AUTS2: variants seen among roughly 807,000 people sequenced by gnomAD.
The protein encoded by AUTS2 is activator of transcription and developmental regulator AUTS2, also known as autism susceptibility gene 2 protein.
In AUTS2, 17 loss-of-function variants were observed where a neutral mutation model predicts 112.4. The ratio of observed to expected loss-of-function variants is 0.15; its 90% CI spans 0.10 to 0.23. AUTS2 has a LOEUF of 0.23. Ranked by LOEUF, AUTS2 falls within the 10% of genes least tolerant of loss-of-function variation. AUTS2 has a pLI of 1.00. For synonymous variants in AUTS2, 751 were observed against 702.7 expected, an observed-to-expected ratio of 1.07 and a Z score of -1.09; for missense variants, 1,510 against 1,701.6, an observed-to-expected ratio of 0.89 and a Z score of 1.98.
intron 1 of AUTS2, among the ~76,000 whole-genome samples, chr7:69,681,299 C>A (rs529873180): frequency 2.6e-5 from 4 of 152,258 alleles, no homozygotes; most frequent in African/African-American, 9.6e-5. Flanking sequence ...GATCATATGG[C>A]AGTTTTATTT....
chr7:69,881,315 G>A (rs535004694), intron 1 of AUTS2, among the ~76,000 whole-genome samples: 1 of 151,662 alleles, frequency 6.6e-6, no homozygotes, highest in African/African-American at 2.4e-5. Context: ...TAAGCCTTGT[G>A]TGGGAAGATT....
intron 5 of AUTS2, among the ~76,000 whole-genome samples, chr7:70,476,790 T>C (rs1000892121): frequency 1.3e-5 from 2 of 152,192 alleles, no homozygotes; most frequent in East Asian, 1.9e-4. Flanking sequence ...CTCAAAAATT[T>C]GTTGTAATAT....
chr7:69,934,427 T>C (rs1201479022), intron 2 of AUTS2, among the ~76,000 whole-genome samples: 1 of 152,168 alleles, frequency 6.6e-6, no homozygotes, highest in Non-Finnish European at 1.5e-5. Flanking sequence ...CAGTGAAGTG[T>C]ATTGGTTTTG....
intron 1 of AUTS2, among the ~76,000 whole-genome samples, chr7:69,632,886 GAT>G (rs1794330349): frequency 6.6e-6 from 1 of 152,022 alleles, no homozygotes; most frequent in Non-Finnish European, 1.5e-5. Flanking sequence ...GTATTTGTAA[GAT>G]ATATAAGATT....
chr7:69,988,709 T>G (rs1468625547), intron 2 of AUTS2, among the ~76,000 whole-genome samples: 1 of 152,168 alleles, frequency 6.6e-6, no homozygotes, highest in Non-Finnish European at 1.5e-5. Context: ...TTTGCAGGAT[T>G]TCAGGGAAAT....
intron 2 of AUTS2, among the ~76,000 whole-genome samples, chr7:70,008,510 G>A (rs1799647519): frequency 6.6e-6 from 1 of 152,114 alleles, no homozygotes; most frequent in Non-Finnish European, 1.5e-5. Flanking sequence ...TCAGTGGCCT[G>A]TGTATGGGTA....
chr7:70,084,970 T>C (rs1417942406), intron 2 of AUTS2, among the ~76,000 whole-genome samples: 1 of 151,828 alleles, frequency 6.6e-6, no homozygotes, highest in Non-Finnish European at 1.5e-5. Context: ...ACTCCTGGGC[T>C]TCAGCCATCA....
intron 1 of AUTS2, among the ~76,000 whole-genome samples, chr7:69,667,420 G>C (rs996982428): frequency 1.4e-5 from 2 of 144,272 alleles, no homozygotes; most frequent in Non-Finnish European, 3.0e-5. Flanking sequence ...GTGAGATGTT[G>C]TCTTGGCTCA....
At chr7:70,337,544 T>G (rs1202000607) in intron 4 of AUTS2, among the ~76,000 whole-genome samples, 1 of 152,142 alleles carries the variant, frequency 6.6e-6, no homozygotes, top group African/African-American at 2.4e-5. Flanking sequence ...CCCTGTAGAG[T>G]GTCTTCTGCA....
chr7:70,705,986 G>A (rs1010755813), intron 6 of AUTS2, among the ~76,000 whole-genome samples: 5 of 152,172 alleles, frequency 3.3e-5, no homozygotes, highest in African/African-American at 1.2e-4. Flanking sequence ...TATGGCTTGG[G>A]GTGAAGGGCC....
chr7:69,983,835 T>G (rs1047189207), intron 2 of AUTS2, among the ~76,000 whole-genome samples: 1 of 152,188 alleles, frequency 6.6e-6, no homozygotes, highest in African/African-American at 2.4e-5. Context: ...ATTTACTATC[T>G]ATACTAAATG....
At chr7:70,787,186 T>C (rs986753760) in intron 17 of AUTS2, 23 bp from the exon 18 acceptor site, 1 of 1,612,358 alleles carries the variant, frequency 6.2e-7, no homozygotes, top group Non-Finnish European at 8.5e-7. Context: ...TAAACCTTTT[T>C]GTTCTCCACT....
rs189506214 is a variant in AUTS2, at chr7:70,612,318, G to C, written c.691-86251G>C. On this transcript the variant is annotated intron_variant, in intron 5 of 18. Transcript: ENST00000342771. ...ATTGGAAGTCATCTCCAGGCTTCTG[G>C]CTTACAGAGAGTCCCTGTAGAGATA... Among the ~76,000 whole-genome samples, 3 of 152,200 alleles carry C rather than the reference G, an allele frequency of 2.0e-5. 1 individual carries two copies. The highest frequency in any genetic ancestry group is 1.5e-5 in the Non-Finnish European group (1 of 68,010).
chr7:69,648,608 C>T (rs1038251409), intron 1 of AUTS2, among the ~76,000 whole-genome samples: 3 of 151,770 alleles, frequency 2.0e-5, no homozygotes, highest in African/African-American at 7.3e-5. Context: ...GTCTTTGGCT[C>T]CTCTTCTTTT....
intron 4 of AUTS2, among the ~76,000 whole-genome samples, chr7:70,393,596 T>C (rs1793959077): frequency 1.3e-5 from 2 of 152,180 alleles, no homozygotes; most frequent in South Asian, 2.1e-4. Flanking sequence ...GATCTGGTCC[T>C]CTGTCCTTGC....
At chr7:70,188,006 C>T (rs186892511) in intron 4 of AUTS2, among the ~76,000 whole-genome samples, 2 of 152,272 alleles carry the variant, frequency 1.3e-5, no homozygotes, top group East Asian at 3.9e-4. Flanking sequence ...TGATAAAATT[C>T]AGGTTTTTAT....
intron 2 of AUTS2, among the ~76,000 whole-genome samples, chr7:69,999,442 A>C (rs1799089337): frequency 6.6e-6 from 1 of 152,218 alleles, no homozygotes; most frequent in African/African-American, 2.4e-5. Context: ...TAGATAAAAA[A>C]GGATATGACT....
At chr7:70,231,747 A>C (rs1812062499) in intron 4 of AUTS2, among the ~76,000 whole-genome samples, 1 of 120,328 alleles carries the variant, frequency 8.3e-6, no homozygotes, top group Admixed American at 8.7e-5. Context: ...TGGCCTAGAT[A>C]TGAGGTTTTT....
rs145804548 is a variant in AUTS2, at chr7:69,714,059, A to G, written c.309+114097A>G. On this transcript the variant is annotated intron_variant, in intron 1 of 18. Coordinates refer to ENST00000342771, the MANE Select transcript of AUTS2 (RefSeq NM_015570.4). ...ATTTTGAATTAATTTTTGTATATGG[A>G]TTGAATTTTTTTTTTTTGAGATGGG... Among the ~76,000 whole-genome samples the G allele has an allele frequency of 4.6e-4, 69 of 151,502 alleles. No homozygotes were observed. The East Asian group carries it at 0.013, about 29-fold the overall frequency.
Sources: allele counts gnomAD v4.1 joint callset (sites outside exome capture counted in the v4.1 genomes callset), GRCh38; gene constraint gnomAD v4.1.1; transcripts MANE v1.5; gene names NCBI Gene and HGNC (gene_info 2026-07-23, HGNC 2026-07-21).